SOD2: variants seen among roughly 807,000 people sequenced by gnomAD.
SOD2 encodes superoxide dismutase 2.
Under a neutral mutation model 27.0 loss-of-function variants are expected in SOD2, and 11 were observed. That is an observed-to-expected ratio of 0.41 (90% CI 0.26 to 0.67). SOD2 has a LOEUF of 0.67. SOD2 is among the 30% of genes least tolerant of loss of function. SOD2 has a pLI of 0.34. For synonymous variants in SOD2, 105 were observed against 103.0 expected (o/e 1.02, Z -0.12); for missense variants, 250 against 274.5 (o/e 0.91, Z 0.63).
chr6:159,702,654 C>CAAAAAAAAAAAAA (rs750073120), intron 1 of SOD2, among the ~76,000 whole-genome samples: 5 of 39,802 alleles, frequency 1.3e-4, no homozygotes, highest in Admixed American at 3.4e-4. Context: ...TCTATCTCTC[C>CAAAAAAAAAAAAA]AAAAAAAAAA....
chr6:159,692,463 T>A (rs560728283), intron 2 of SOD2, 198 bp downstream of exon 2: 1 of 1,439,326 alleles, frequency 6.9e-7, no homozygotes, highest in South Asian at 1.5e-5. Context: ...CAGAAGTGTG[T>A]TCAAACCCAT....
At chr6:159,757,365 T>TA (rs1374470331) in intron 1 of SOD2, among the ~76,000 whole-genome samples, 2 of 152,188 alleles carry the variant, frequency 1.3e-5, no homozygotes, top group African/African-American at 4.8e-5. Context: ...TCTTCAGCAG[T>TA]ATGTTAAATA....
At chr6:159,727,057 C>T (rs916120570) in intron 1 of SOD2, 18 of 1,216,376 alleles carry the variant, frequency 1.5e-5, no homozygotes, top group Non-Finnish European at 1.9e-5. Flanking sequence ...CTTCCACCTT[C>T]CCTTCCCGTG....
upstream of SOD2, among the ~76,000 whole-genome samples, chr6:159,730,121 C>T (rs986016788): frequency 1.3e-5 from 2 of 152,132 alleles, no homozygotes; most frequent in African/African-American, 4.8e-5. Flanking sequence ...ATTTGAGACC[C>T]TTACCCCCAA....
At chr6:159,759,409 C>A (rs1367027983) in intron 1 of SOD2, among the ~76,000 whole-genome samples, 1 of 149,640 alleles carries the variant, frequency 6.7e-6, no homozygotes, top group Non-Finnish European at 1.5e-5. Flanking sequence ...CGGTGGCTCA[C>A]GCCTGTAATC....
chr6:159,693,323 G>A, upstream of SOD2: 2 of 348,386 alleles, frequency 5.7e-6, no homozygotes, highest in East Asian at 5.5e-5. Context: ...GGGCACCGCC[G>A]CCCCGCCCCC....
chr6:159,700,700 T>C (rs977722910), intron 1 of SOD2, among the ~76,000 whole-genome samples: 1 of 152,050 alleles, frequency 6.6e-6, no homozygotes, highest in Non-Finnish European at 1.5e-5. Context: ...TGTGGCATGT[T>C]TTCCAACTCC....
At position 159,671,108 on chromosome 6, in the gene SOD2, G is replaced by A. The variant is rs1434898189; in HGVS notation, c.*11385C>T. 1 of 131,814 alleles carries A rather than the reference G, an allele frequency of 7.6e-6. No homozygotes were observed. The highest frequency in any genetic ancestry group is 2.8e-5 in the African/African-American group (1 of 35,802). The allele number at this position is 131,814 out of a possible 1,614,324, so 8.2% of individuals were successfully genotyped here. A position where few individuals can be genotyped will look rare whatever the true frequency, so the allele number is the denominator to read the frequency against. ...GCAGCCGGGAAGCTCGAACTAGGTG[G>A]AGCCCACTGCAGCTCAAGGAGGCCT... On this transcript the variant is annotated 3_prime_UTR_variant, in exon 5 of 5. Transcript: ENST00000538183.
upstream of SOD2, among the ~76,000 whole-genome samples, chr6:159,728,269 AT>A (rs553143386): frequency 2.6e-5 from 4 of 151,572 alleles, no homozygotes; most frequent in Non-Finnish European, 5.9e-5. Context: ...CAGTTACTAG[AT>A]TTTTTTTTCA....
At chr6:159,757,389 T>C (rs895826789) in intron 1 of SOD2, among the ~76,000 whole-genome samples, 1 of 151,534 alleles carries the variant, frequency 6.6e-6, no homozygotes, top group African/African-American at 2.4e-5. Flanking sequence ...CACTGTCTCT[T>C]GATTAACCTT....
upstream of SOD2, chr6:159,727,742 C>G (rs956412406): frequency 2.0e-6 from 2 of 981,366 alleles, no homozygotes; most frequent in East Asian, 1.1e-4. Flanking sequence ...ACGCGGGGGA[C>G]CTCCGGGGCC....
intron 1 of SOD2, chr6:159,741,821 C>G: frequency 3.4e-6 from 1 of 293,722 alleles, no homozygotes; most frequent in Non-Finnish European, 6.4e-6. Flanking sequence ...GACCCCATCT[C>G]TACAAAAAAA....
chr6:159,692,406 A>G lies in SOD2; in HGVS notation c.226+255T>C, dbSNP rs575490782. The G allele has an allele frequency of 1.9e-5, 26 of 1,391,496 alleles. No homozygotes were observed. The Admixed American group carries it at 7.8e-4, about 42-fold the overall frequency. 86.2% of individuals were successfully genotyped at this position (1,391,496 alleles called of 1,614,324 possible). On this transcript the variant is annotated intron_variant, in intron 2 of 4. Transcript: ENST00000538183. The stretch of plus-strand genomic sequence containing the variant: ...ATATGTGTAACGGAATGTGGCTCAC[A>G]ACAGTAAGGCAAGCTCCTTCGCAGG...
Position 159,692,693 on chromosome 6 carries a change from G to A in SOD2, c.194C>T (p.Thr65Ile). The A allele has an allele frequency of 1.9e-6, 3 of 1,614,124 alleles. No individual in the cohort carries two copies. Among genetic ancestry groups the A allele is most frequent in the Middle Eastern group, 1.6e-4 (1 of 6,062 alleles). ...HAAYVNNLNV[T>I]EEKYQEALAK... ...CAACGCCTCCTGGTACTTCTCCTCG[G>A]TGACGTTCAGGTTGTTCACGTAGGC... is the stretch of plus-strand genomic sequence containing the variant. Residue 65 changes from threonine to isoleucine, a missense_variant, in exon 2 of 5, where the codon ACC (threonine) becomes ATC (isoleucine). Transcript: ENST00000538183.
intron 1 of SOD2, among the ~76,000 whole-genome samples, chr6:159,750,777 G>T (rs1007243607): frequency 6.4e-4 from 97 of 152,200 alleles, no homozygotes; most frequent in African/African-American, 2.1e-3. Flanking sequence ...AAAATTGGCT[G>T]TAAGCCAGAG....
intron 1 of SOD2, among the ~76,000 whole-genome samples, chr6:159,733,704 G>A (rs1045527558): frequency 1.2e-4 from 18 of 151,078 alleles, no homozygotes; most frequent in Admixed American, 9.9e-4. Context: ...ACCTGAGGTC[G>A]GGATTTCCAG....
upstream of SOD2, chr6:159,749,038 A>G (rs1779723753): frequency 3.0e-6 from 3 of 994,552 alleles, no homozygotes; most frequent in Non-Finnish European, 3.6e-6. Context: ...ATATTTAACC[A>G]TTTAGTTTGG....
At chr6:159,686,829 C>T (rs369910971) in intron 3 of SOD2, among the ~76,000 whole-genome samples, 84 of 152,146 alleles carry the variant, frequency 5.5e-4, no homozygotes, top group African/African-American at 1.8e-3. Flanking sequence ...GGTGCATATC[C>T]GGAGCCCAGA....
intron 1 of SOD2, among the ~76,000 whole-genome samples, chr6:159,752,627 GGAT>G (rs1562467248): frequency 2.0e-5 from 3 of 152,032 alleles, no homozygotes; most frequent in Admixed American, 6.6e-5. Context: ...TGTGTCAAAA[GGAT>G]GATCTTTTCC....
Sources: gnomAD v4.1 joint callset for allele counts (sites outside exome capture counted in the v4.1 genomes callset) on GRCh38, gnomAD v4.1.1 for gene constraint, MANE v1.5 for transcripts, NCBI Gene and HGNC (gene_info 2026-07-23, HGNC 2026-07-21) for gene names.